The following TMPRSS11F variants were observed in gnomAD, a reference collection of about 807,000 sequenced individuals.
TMPRSS11F encodes transmembrane protease serine 11F.
Under a neutral mutation model 60.2 loss-of-function variants are expected in TMPRSS11F, and 47 were observed. The ratio of observed to expected loss-of-function variants is 0.78; its 90% CI spans 0.62 to 1.00. TMPRSS11F has a LOEUF of 1.00. Ranked by LOEUF, TMPRSS11F falls within the 50% of genes least tolerant of loss-of-function variation. The pLI, the probability that TMPRSS11F is intolerant of heterozygous loss-of-function variation, is 0.00. For synonymous variants in TMPRSS11F, 166 were observed against 167.3 expected, an observed-to-expected ratio of 0.99 and a Z score of 0.06; for missense variants, 519 against 522.9, an observed-to-expected ratio of 0.99 and a Z score of 0.07.
At chr4:68,061,189 A>G (rs1268200224) in intron 8 of TMPRSS11F, among the ~76,000 whole-genome samples, 1 of 152,206 alleles carries the variant, frequency 6.6e-6, no homozygotes, top group Admixed American at 6.5e-5. Flanking sequence ...GTGACTTGCC[A>G]TTTACAAAAT....
chr4:68,068,613 C>T lies in TMPRSS11F; in HGVS notation c.755+5G>A. On this transcript the variant is annotated splice_donor_5th_base_variant and intron_variant, in intron 7 of 9. Transcript: ENST00000356291. Reference sequence around the variant, plus strand: ...GAAGGCTCACAGCAGCCTTGGTTAACTTACTTCCAAAAGCAGTGAGCTGCT... The same window carrying T: ...GAAGGCTCACAGCAGCCTTGGTTAATTTACTTCCAAAAGCAGTGAGCTGCT... 1 of 1,613,462 alleles carries T rather than the reference C, an allele frequency of 6.2e-7. No individual in the cohort carries two copies. The highest frequency in any genetic ancestry group is 2.2e-5 in the East Asian group (1 of 44,850).
intron 9 of TMPRSS11F, among the ~76,000 whole-genome samples, chr4:68,054,879 TTAAA>T (rs1281672362): frequency 6.6e-6 from 1 of 151,816 alleles, no homozygotes; most frequent in Non-Finnish European, 1.5e-5. Context: ...AACAACAATA[TTAAA>T]TAAGCCCAAA....
intron 1 of TMPRSS11F, among the ~76,000 whole-genome samples, chr4:68,126,011 G>A (rs1724707139): frequency 6.6e-6 from 1 of 152,050 alleles, no homozygotes; most frequent in Admixed American, 6.5e-5. Context: ...AAGTGAATTA[G>A]CAACATTTTT....
chr4:68,064,913 A>C lies in TMPRSS11F; in HGVS notation c.787T>G (p.Phe263Val). Reference protein sequence around the residue: ...NKDPTQWIATFGATITPPAVK... With the variant: ...NKDPTQWIATVGATITPPAVK... Reference sequence around the variant, plus strand: ...GCGGGTGGTGTTATAGTTGCACCAAAAGTAGCAATCCATTGAGTTGGGTCT... The same window carrying C: ...GCGGGTGGTGTTATAGTTGCACCAACAGTAGCAATCCATTGAGTTGGGTCT... Residue 263 changes from phenylalanine (F) to valine (V), a missense_variant, in exon 8 of 10, where the codon TTT becomes GTT. Coordinates refer to ENST00000356291, the MANE Select transcript of TMPRSS11F (RefSeq NM_207407.2). The C allele has an allele frequency of 6.2e-7, 1 of 1,613,934 alleles. No homozygotes were observed. Among genetic ancestry groups the C allele is most frequent in the East Asian group, 2.2e-5 (1 of 44,860 alleles).
intron 1 of TMPRSS11F, among the ~76,000 whole-genome samples, chr4:68,129,245 T>C (rs190353774): frequency 6.6e-6 from 1 of 152,234 alleles, no homozygotes; most frequent in Non-Finnish European, 1.5e-5. Context: ...ATTTTGGAGT[T>C]CAATTATGAT....
rs779781852 is a variant in TMPRSS11F, at chr4:68,072,352, G to A, written c.485C>T (p.Thr162Ile). Residue 162 changes from threonine to isoleucine, a missense_variant, in exon 5 of 10, where the codon ACC (threonine) becomes ATC (isoleucine). Coordinates refer to ENST00000356291, the MANE Select transcript of TMPRSS11F (RefSeq NM_207407.2). Reference sequence around the variant, plus strand: ...GAGTCTAAATGATGGTTTGTTTATGGTCAAAGACAATTGTTTGGTCTTCAA... The same window carrying A: ...GAGTCTAAATGATGGTTTGTTTATGATCAAAGACAATTGTTTGGTCTTCAA... ...QSLKTKQLSL[T>I]INKPSFRLTP... is the part of the protein sequence containing the mutation. 20 of 1,600,236 alleles carry A rather than the reference G, an allele frequency of 1.2e-5. No individual in the cohort carries two copies. In the South Asian group the frequency reaches 1.8e-4, roughly 14 times the overall value.
At chr4:68,082,528 A>C (rs779672333) in intron 3 of TMPRSS11F, among the ~76,000 whole-genome samples, 4 of 152,184 alleles carry the variant, frequency 2.6e-5, no homozygotes, top group Admixed American at 6.5e-5. Flanking sequence ...GCCCCTCCCA[A>C]GGATGCTACC....
chr4:68,102,086 CT>C (rs1724204016), intron 1 of TMPRSS11F, among the ~76,000 whole-genome samples: 3 of 152,098 alleles, frequency 2.0e-5, no homozygotes, highest in Admixed American at 2.0e-4. Context: ...ATTTTTCTCT[CT>C]GTTTCTGGCT....
At chr4:68,114,289 T>A (rs1270293616) in intron 1 of TMPRSS11F, among the ~76,000 whole-genome samples, 1 of 151,248 alleles carries the variant, frequency 6.6e-6, no homozygotes, top group Admixed American at 6.6e-5. Flanking sequence ...AGTAGAAAAG[T>A]CAATAGAAAC....
At chr4:68,097,368 C>T (rs911398084) in intron 2 of TMPRSS11F, among the ~76,000 whole-genome samples, 2 of 152,106 alleles carry the variant, frequency 1.3e-5, no homozygotes, top group African/African-American at 2.4e-5. Flanking sequence ...CTAGAGACTA[C>T]CCTCATTCCT....
At chr4:68,107,835 G>A (rs761590665) in intron 1 of TMPRSS11F, among the ~76,000 whole-genome samples, 11 of 152,164 alleles carry the variant, frequency 7.2e-5, no homozygotes, top group Non-Finnish European at 1.3e-4. Context: ...TACTTGGGAG[G>A]CTGAGGCAGG....
rs145364734 is a variant in TMPRSS11F at position 68,102,541 on chromosome 4, A to C, written c.12-3503T>G. On this transcript the variant is annotated intron_variant, in intron 1 of 9. Transcript: ENST00000356291. Reference sequence around the variant, plus strand: ...GGAGTGTGAGGTGGTATCTCATGTTAGTTTTAATTTACATTTTTTTGATGA... The same window carrying C: ...GGAGTGTGAGGTGGTATCTCATGTTCGTTTTAATTTACATTTTTTTGATGA... 8.9e-4 allele frequency among the ~76,000 whole-genome samples: 135 copies of C among 152,112 alleles called. 1 individual carries two copies. The highest frequency in any genetic ancestry group is 3.2e-3 in the African/African-American group (132 of 41,504).
intron 8 of TMPRSS11F, chr4:68,062,561 G>T: frequency 1.2e-6 from 1 of 807,336 alleles, no homozygotes; most frequent in Non-Finnish European, 2.2e-6. Flanking sequence ...CTCTAGCAAC[G>T]CCTGCCATCT....
chr4:68,059,183 G>C, intron 9 of TMPRSS11F, 143 bp downstream of exon 9: 1 of 836,122 alleles, frequency 1.2e-6, no homozygotes, highest in East Asian at 2.7e-5. Context: ...TACAATTATT[G>C]TTATTGTTAT....
chr4:68,068,968 T>C, intron 6 of TMPRSS11F, 149 bp from the exon 7 acceptor site: 1 of 761,472 alleles, frequency 1.3e-6, no homozygotes, highest in Non-Finnish European at 2.1e-6. Flanking sequence ...ATACAGGTCT[T>C]GCTGATCCTA....
intron 3 of TMPRSS11F, among the ~76,000 whole-genome samples, chr4:68,082,562 A>G (rs532661568): frequency 1.3e-5 from 2 of 152,356 alleles, no homozygotes; most frequent in East Asian, 3.9e-4. Flanking sequence ...AAGAACATGC[A>G]CACAGCAGAG....
chr4:68,085,863 G>A (rs1723801916), intron 3 of TMPRSS11F, among the ~76,000 whole-genome samples: 1 of 152,174 alleles, frequency 6.6e-6, no homozygotes, highest in Non-Finnish European at 1.5e-5. Context: ...CAACATTGGA[G>A]CACTCAGATT....
rs113009197 is a variant in TMPRSS11F at position 68,057,800 on chromosome 4, C to G, written c.1158+1526G>C. On this transcript the variant is annotated intron_variant, in intron 9 of 9. Transcript: ENST00000356291. ...TCATTAGGGAAATGAATTTAAACCA[C>G]CTAAGTGGAATCAACCTCAGTGTTC... Among the ~76,000 whole-genome samples, 222 of 152,142 alleles carry G rather than the reference C, an allele frequency of 1.5e-3. 2 individuals carry two copies. The highest frequency in any genetic ancestry group is 5.3e-3 in the African/African-American group (219 of 41,510).
At chr4:68,055,963 C>T (rs774310802) in intron 9 of TMPRSS11F, among the ~76,000 whole-genome samples, 1 of 152,076 alleles carries the variant, frequency 6.6e-6, no homozygotes, top group Non-Finnish European at 1.5e-5. Flanking sequence ...ATCCATTCAA[C>T]AGATGCAGGA....
Sources: gnomAD v4.1 joint callset for allele counts (sites outside exome capture counted in the v4.1 genomes callset) on GRCh38, gnomAD v4.1.1 for gene constraint, MANE v1.5 for transcripts, NCBI Gene and HGNC (gene_info 2026-07-23, HGNC 2026-07-21) for gene names.